TPRG1: variants seen among roughly 807,000 people sequenced by gnomAD.
TPRG1 encodes tumor protein p63-regulated gene 1 protein.
In TPRG1, 29 loss-of-function variants were observed where a neutral mutation model predicts 29.3. The observed-to-expected ratio is 0.99, with a 90% CI of 0.74 to 1.35. TPRG1 has a LOEUF of 1.35. TPRG1 is among the 40% of genes most tolerant of loss of function. The pLI is 0.00. For missense variants in TPRG1, 327 were observed against 335.0 expected, an observed-to-expected ratio of 0.98 and a Z score of 0.19; for synonymous variants, 130 against 116.8, an observed-to-expected ratio of 1.11 and a Z score of -0.73.
At chr3:189,035,845 C>T (rs1005418532) in intron 4 of TPRG1, among the ~76,000 whole-genome samples, 1 of 152,108 alleles carries the variant, frequency 6.6e-6, no homozygotes, top group African/African-American at 2.4e-5. Flanking sequence ...GTGCATCTAG[C>T]GTGGAAAGTA....
chr3:189,032,158 G>T (rs938667433), intron 4 of TPRG1, among the ~76,000 whole-genome samples: 1 of 152,112 alleles, frequency 6.6e-6, no homozygotes, highest in East Asian at 1.9e-4. Flanking sequence ...TTGAGTGGGC[G>T]CCATGTAATC....
intron 1 of TPRG1, 59 bp from the exon 2 acceptor site, chr3:189,207,317 C>G (rs1734546251): frequency 1.3e-6 from 2 of 1,584,542 alleles, no homozygotes; most frequent in African/African-American, 1.3e-5. Context: ...TTTGCCATAG[C>G]TAGGACACAG....
At chr3:189,158,393 G>A (rs531017364) in intron 5 of TPRG1, among the ~76,000 whole-genome samples, 37 of 152,232 alleles carry the variant, frequency 2.4e-4, no homozygotes, top group African/African-American at 8.4e-4. Flanking sequence ...CGGATCACCT[G>A]AGGTCAGGAG....
chr3:189,124,875 A>G (rs1466576781), intron 1 of TPRG1, among the ~76,000 whole-genome samples: 3 of 152,208 alleles, frequency 2.0e-5, no homozygotes, highest in African/African-American at 7.2e-5. Flanking sequence ...CTATCTTTCT[A>G]TACAATAACC....
intron 4 of TPRG1, among the ~76,000 whole-genome samples, chr3:189,259,572 G>A (rs938166701): frequency 6.8e-6 from 1 of 146,964 alleles, no homozygotes; most frequent in African/African-American, 2.5e-5. Flanking sequence ...GGGTTCAAGT[G>A]ACTCTCCTGC....
chr3:189,207,371 T>C lies in TPRG1; in HGVS notation c.-9-5T>C. On this transcript the variant is annotated splice_polypyrimidine_tract_variant and splice_region_variant and intron_variant, in intron 1 of 5. Coordinates refer to ENST00000345063, the MANE Select transcript of TPRG1 (RefSeq NM_198485.4). ...TTCAATGAGATTTTTCTGCCCTTGGTTTAGGCTGAAGAAATGTCAACAATT... is the reference window on the plus strand; with the variant it reads ...TTCAATGAGATTTTTCTGCCCTTGGCTTAGGCTGAAGAAATGTCAACAATT... 1.9e-6 allele frequency: 3 copies of C among 1,613,876 alleles called. No homozygotes were observed. The highest frequency in any genetic ancestry group is 2.5e-6 in the Non-Finnish European group (3 of 1,179,844).
chr3:189,089,741 A>G (rs567984709), intron 4 of TPRG1, among the ~76,000 whole-genome samples: 1 of 152,288 alleles, frequency 6.6e-6, no homozygotes, highest in East Asian at 1.9e-4. Context: ...TATTTCATCA[A>G]TTCATGAATG....
chr3:189,270,721 T>A (rs949043479), intron 4 of TPRG1, among the ~76,000 whole-genome samples: 1 of 152,148 alleles, frequency 6.6e-6, no homozygotes, highest in Non-Finnish European at 1.5e-5. Context: ...TGACTTCAAA[T>A]ATCATCACTA....
At chr3:189,314,825 A>C (rs1478157330) in intron 5 of TPRG1, among the ~76,000 whole-genome samples, 1 of 152,216 alleles carries the variant, frequency 6.6e-6, no homozygotes, top group South Asian at 2.1e-4. Context: ...TTTAAAAATG[A>C]GAACACTTGA....
At chr3:189,190,024 G>A (rs1168307749) in intron 1 of TPRG1, among the ~76,000 whole-genome samples, 1 of 152,166 alleles carries the variant, frequency 6.6e-6, no homozygotes, top group Non-Finnish European at 1.5e-5. Context: ...AGTTAACAGG[G>A]AATACATTTG....
At chr3:189,021,489 GA>G (rs1713306393) in intron 3 of TPRG1, among the ~76,000 whole-genome samples, 1 of 151,968 alleles carries the variant, frequency 6.6e-6, no homozygotes, top group Non-Finnish European at 1.5e-5. Flanking sequence ...CTTCACTTAT[GA>G]AGCTTAGTTT....
chr3:189,149,204 C>T (rs1041089403), intron 4 of TPRG1, among the ~76,000 whole-genome samples: 1 of 152,138 alleles, frequency 6.6e-6, no homozygotes, highest in African/African-American at 2.4e-5. Context: ...TGCTAACGGA[C>T]ACGTGTAGGG....
intron 4 of TPRG1, among the ~76,000 whole-genome samples, chr3:189,307,697 G>T (rs1721841882): frequency 1.3e-5 from 2 of 152,208 alleles, no homozygotes; most frequent in South Asian, 4.1e-4. Flanking sequence ...TCCCTGTCTT[G>T]TAGTGATGCT....
intron 4 of TPRG1, among the ~76,000 whole-genome samples, chr3:189,274,200 A>G (rs1715709950): frequency 6.6e-6 from 1 of 151,772 alleles, no homozygotes; most frequent in African/African-American, 2.4e-5. Flanking sequence ...GAGAAATGGG[A>G]TAGGCATTAC....
upstream of TPRG1, among the ~76,000 whole-genome samples, chr3:189,169,412 A>G (rs1728542434): frequency 6.6e-6 from 1 of 152,036 alleles, no homozygotes; most frequent in Non-Finnish European, 1.5e-5. Context: ...TGATCCGCTC[A>G]CCTCGGCCTC....
At chr3:189,248,285 C>T (rs1270175388) in intron 4 of TPRG1, among the ~76,000 whole-genome samples, 1 of 151,708 alleles carries the variant, frequency 6.6e-6, no homozygotes, top group Admixed American at 6.6e-5. Context: ...AATATTCACT[C>T]ATTTGAGAAA....
intron 5 of TPRG1, among the ~76,000 whole-genome samples, chr3:189,163,146 G>A (rs1295409031): frequency 6.6e-6 from 1 of 152,086 alleles, no homozygotes; most frequent in African/African-American, 2.4e-5. Context: ...GGTGCCAGGT[G>A]CCTGTAATCC....
chr3:189,118,420 A>T (rs1442181823), intron 1 of TPRG1, among the ~76,000 whole-genome samples: 1 of 152,212 alleles, frequency 6.6e-6, no homozygotes, highest in East Asian at 1.9e-4. Flanking sequence ...TCTGGGGAGA[A>T]TTGCAAGCCA....
chr3:189,086,568 C>G (rs1441395611), intron 4 of TPRG1, among the ~76,000 whole-genome samples: 4 of 147,726 alleles, frequency 2.7e-5, no homozygotes, highest in Non-Finnish European at 4.5e-5. Context: ...GCTCTTGTTG[C>G]CTAGGCTGGA....
Sources: gnomAD v4.1 joint callset for allele counts (sites outside exome capture counted in the v4.1 genomes callset) on GRCh38, gnomAD v4.1.1 for gene constraint, MANE v1.5 for transcripts, NCBI Gene and HGNC (gene_info 2026-07-23, HGNC 2026-07-21) for gene names.